The following BAZ2B variants were observed in gnomAD, a reference collection of about 807,000 sequenced individuals.
BAZ2B encodes bromodomain adjacent to zinc finger domain 2B, also known as bromodomain adjacent to zinc finger domain protein 2B.
A neutral mutation model predicts 246.0 loss-of-function variants in BAZ2B; 91 were observed. The observed-to-expected ratio is 0.37, with a 90% confidence interval of 0.31 to 0.44. BAZ2B has a LOEUF of 0.44. Among genes scored for constraint, BAZ2B ranks in the 20% least tolerant of loss-of-function variants. The pLI is 1.00. For synonymous variants in BAZ2B, 855 were observed against 860.0 expected, an observed-to-expected ratio of 0.99 and a Z score of 0.10; for missense variants, 2,332 against 2,533.7, an observed-to-expected ratio of 0.92 and a Z score of 1.71.
At chr2:159,626,647 C>T in the BAZ2B span, among the ~76,000 whole-genome samples, 4 of 152,134 alleles carry the variant, frequency 2.6e-5, no homozygotes, top group Non-Finnish European at 5.9e-5. Context: ...GTCCCAGAAT[C>T]TCTGGGACAC....
intron 33 of BAZ2B, 66 bp downstream of exon 33, chr2:159,336,876 T>A (rs768622699): frequency 3.7e-6 from 5 of 1,341,590 alleles, no homozygotes; most frequent in African/African-American, 1.5e-5. Context: ...TTAAGAAAGA[T>A]CTGGAGGTTG....
At chr2:159,457,842 G>A (rs954787349) in intron 3 of BAZ2B, among the ~76,000 whole-genome samples, 2 of 152,010 alleles carry the variant, frequency 1.3e-5, no homozygotes, top group Non-Finnish European at 2.9e-5. Flanking sequence ...TACCTGCTAT[G>A]TCTACTTCCT....
chr2:159,507,263 C>A (rs2082428930), intron 2 of BAZ2B, among the ~76,000 whole-genome samples: 1 of 151,762 alleles, frequency 6.6e-6, no homozygotes, highest in East Asian at 1.9e-4. Flanking sequence ...AAGAGAAGTA[C>A]AAAACTTGAA....
chr2:159,492,583 T>C (rs2080624004), intron 2 of BAZ2B, among the ~76,000 whole-genome samples: 2 of 152,214 alleles, frequency 1.3e-5, no homozygotes, highest in African/African-American at 4.8e-5. Flanking sequence ...TGAATGTTTG[T>C]TGAATAAATG....
intron 2 of BAZ2B, among the ~76,000 whole-genome samples, chr2:159,552,861 G>C (rs1484934041): frequency 6.6e-6 from 1 of 152,080 alleles, no homozygotes. Flanking sequence ...CAAACTATTA[G>C]GAACAGAGAA....
intron 2 of BAZ2B, among the ~76,000 whole-genome samples, chr2:159,535,890 T>C (rs574662472): frequency 6.6e-6 from 1 of 152,356 alleles, no homozygotes; most frequent in Non-Finnish European, 1.5e-5. Flanking sequence ...GTGCTAAACA[T>C]ATCTGTGTGG....
Position 159,428,307 on chromosome 2 carries a change from G to T in BAZ2B, c.2364+4C>A. The T allele has an allele frequency of 6.2e-7, 1 of 1,607,038 alleles. No individual in the cohort carries two copies. The highest frequency in any genetic ancestry group is 8.5e-7 in the Non-Finnish European group (1 of 1,175,192). ...ATGTACATTATTTGGTGAAAAGTAT[G>T]TACCTTTATTACTTCAGGGTACTGC... On this transcript the variant is annotated splice_donor_region_variant and intron_variant, in intron 12 of 36. Transcript: ENST00000392783.
chr2:159,379,637 A>G (rs1159608605), intron 25 of BAZ2B, among the ~76,000 whole-genome samples: 1 of 152,210 alleles, frequency 6.6e-6, no homozygotes, highest in Non-Finnish European at 1.5e-5. Flanking sequence ...ATTATGTAGC[A>G]TATTATAAAT....
At chr2:159,631,830 G>A in the BAZ2B span, among the ~76,000 whole-genome samples, 1 of 151,968 alleles carries the variant, frequency 6.6e-6, no homozygotes, top group African/African-American at 2.4e-5. Context: ...TTCAAATGTT[G>A]GTAAGAAACC....
chr2:159,495,439 C>A (rs868370166), intron 2 of BAZ2B, among the ~76,000 whole-genome samples: 1 of 124,022 alleles, frequency 8.1e-6, no homozygotes, highest in Non-Finnish European at 1.6e-5. Flanking sequence ...GAGCCGAGAT[C>A]GCGCCTCTGC....
chr2:159,621,104 G>A (rs575780448), upstream of BAZ2B, among the ~76,000 whole-genome samples: 1 of 152,314 alleles, frequency 6.6e-6, no homozygotes, highest in South Asian at 2.1e-4. Context: ...TACAGTAGTT[G>A]CTGCAGTCAT....
intron 5 of BAZ2B, among the ~76,000 whole-genome samples, chr2:159,447,210 T>C (rs1460159801): frequency 6.6e-6 from 1 of 152,158 alleles, no homozygotes; most frequent in Admixed American, 6.5e-5. Flanking sequence ...GGGAGGCAAC[T>C]GCTTAATGGG....
chr2:159,348,982 C>T (rs2058275620), intron 29 of BAZ2B, 25 bp downstream of exon 29: 1 of 1,609,946 alleles, frequency 6.2e-7, no homozygotes, highest in African/African-American at 1.3e-5. Context: ...GAGTAAGTGG[C>T]TGTAAACCAT....
the BAZ2B span, among the ~76,000 whole-genome samples, chr2:159,630,538 CT>C: frequency 5.6e-4 from 82 of 145,142 alleles, no homozygotes; most frequent in Admixed American, 8.9e-4. Context: ...ATTCTTCTCT[CT>C]TTTTTTTTTT....
At chr2:159,504,269 G>A (rs1049078341) in intron 2 of BAZ2B, among the ~76,000 whole-genome samples, 13 of 151,844 alleles carry the variant, frequency 8.6e-5, no homozygotes, top group African/African-American at 2.7e-4. Context: ...CCACTAACTC[G>A]TCATCTAGCA....
chr2:159,645,453 A>G, the BAZ2B span, among the ~76,000 whole-genome samples: 1 of 152,018 alleles, frequency 6.6e-6, no homozygotes, highest in Non-Finnish European at 1.5e-5. Flanking sequence ...TCAGATCATC[A>G]GGCATTAGTT....
At chr2:159,407,551 A>G (rs1426232383) in intron 14 of BAZ2B, among the ~76,000 whole-genome samples, 1 of 152,242 alleles carries the variant, frequency 6.6e-6, no homozygotes, top group East Asian at 1.9e-4. Context: ...AAATGCCTTA[A>G]GATTTTAGCT....
Position 159,428,029 on chromosome 2 carries a change from T to A in BAZ2B, c.2378A>T (p.Asn793Ile). The A allele has an allele frequency of 6.2e-7, 1 of 1,613,192 alleles. No individual in the cohort carries two copies. Among genetic ancestry groups the A allele is most frequent in the Non-Finnish European group, 8.5e-7 (1 of 1,179,350 alleles). The change falls in exon 13 of 37, where the codon AAT becomes ATT. Residue 793 changes from asparagine to isoleucine, a missense_variant. Asn to Ile is a moderately radical substitution (Grantham distance 149, BLOSUM62 -3). Transcript: ENST00000392783. ...GTCCCTTGAGATATCCATTATTCCA[T>A]TTCTGCTGAGATACTGAAAAAATCA... ...YPEVIKYLSR[N>I]GIMDISRDNF...
chr2:159,322,231 T>C (rs920142873), intron 36 of BAZ2B, among the ~76,000 whole-genome samples: 22 of 152,162 alleles, frequency 1.4e-4, no homozygotes, highest in Admixed American at 5.2e-4. Flanking sequence ...TGTAACCTCA[T>C]CCATTTTCCT....
Sources: allele counts gnomAD v4.1 joint callset (sites outside exome capture counted in the v4.1 genomes callset), GRCh38; gene constraint gnomAD v4.1.1; transcripts MANE v1.5; gene names NCBI Gene and HGNC (gene_info 2026-07-23, HGNC 2026-07-21).